Variants in TLL2 observed in about 807,000 individuals in gnomAD.
TLL2 encodes the protein tolloid-like protein 2.
TLL2 carries 106 observed loss-of-function variants against 123.0 expected under a neutral mutation model. The ratio of observed to expected loss-of-function variants is 0.86; its 90% CI spans 0.74 to 1.01. TLL2 has a LOEUF of 1.01. TLL2 is among the 50% of genes least tolerant of loss of function. The pLI, the probability that TLL2 is intolerant of heterozygous loss-of-function variation, is 0.00. For synonymous variants in TLL2, 494 were observed against 516.8 expected, an observed-to-expected ratio of 0.96 and a Z score of 0.60; for missense variants, 1,332 against 1,336.7, an observed-to-expected ratio of 1.00 and a Z score of 0.06.
At chr10:96,485,402 A>C (rs1847347141) in intron 1 of TLL2, among the ~76,000 whole-genome samples, 1 of 152,230 alleles carries the variant, frequency 6.6e-6, no homozygotes, top group Non-Finnish European at 1.5e-5. Flanking sequence ...CATATATCTT[A>C]TAAGAGCCTA....
intron 1 of TLL2, among the ~76,000 whole-genome samples, chr10:96,486,209 T>C (rs1429984227): frequency 1.3e-5 from 2 of 152,228 alleles, no homozygotes; most frequent in Non-Finnish European, 2.9e-5. Flanking sequence ...TGACTATACG[T>C]GGAATAAATG....
intron 13 of TLL2, among the ~76,000 whole-genome samples, chr10:96,389,585 G>A (rs1283475811): frequency 6.6e-6 from 1 of 152,180 alleles, no homozygotes. Context: ...GGGGGACCTA[G>A]GGAAGAGGCA....
intron 4 of TLL2, among the ~76,000 whole-genome samples, chr10:96,432,386 G>A (rs936693770): frequency 2.0e-5 from 3 of 152,222 alleles, no homozygotes; most frequent in African/African-American, 7.2e-5. Context: ...TTTGGTCACT[G>A]AGTGGAACAC....
At chr10:96,416,467 C>CAGGGGAGA (rs1846562991) in intron 7 of TLL2, among the ~76,000 whole-genome samples, 1 of 152,182 alleles carries the variant, frequency 6.6e-6, no homozygotes, top group African/African-American at 2.4e-5. Flanking sequence ...TCTCACTCTA[C>CAGGGGAGA]AGGGGAGAAG....
Position 96,463,968 on chromosome 10 carries a change from G to A in TLL2, c.286+16381C>T, listed in dbSNP as rs148531655. On this transcript the variant is annotated intron_variant, in intron 2 of 20. Coordinates refer to ENST00000357947, the MANE Select transcript of TLL2 (RefSeq NM_012465.4). ...CCAGGAATTCAAAGAAAGAAACGAA[G>A]AGAGGAACAAAACACCCAAGCCCTC... Among the ~76,000 whole-genome samples, 1,137 of 152,326 alleles carry A rather than the reference G, an allele frequency of 7.5e-3. 18 individuals are homozygous for A. The highest frequency in any genetic ancestry group is 8.5e-3 in the Non-Finnish European group (581 of 68,026).
Position 96,446,643 on chromosome 10 carries a change from T to C in TLL2, c.287-475A>G, listed in dbSNP as rs115792750. Among the ~76,000 whole-genome samples the C allele has an allele frequency of 8.4e-3, 1,282 of 152,310 alleles. 18 individuals carry two copies. Among genetic ancestry groups the C allele is most frequent in the African/African-American group, 0.028 (1,172 of 41,552 alleles). ...TGCCTTTGTTACCCTGTGCACTCTC[T>C]TAGTATTCGGGTTTCCTCTGTGGGG... On this transcript the variant is annotated intron_variant, in intron 2 of 20. Coordinates refer to ENST00000357947, the MANE Select transcript of TLL2 (RefSeq NM_012465.4).
At chr10:96,457,456 G>A (rs1847028147) in intron 2 of TLL2, among the ~76,000 whole-genome samples, 1 of 152,236 alleles carries the variant, frequency 6.6e-6, no homozygotes. Context: ...AGGGAAGGCA[G>A]ATAGGAAGGA....
At chr10:96,403,579 C>T (rs1039240692) in intron 10 of TLL2, among the ~76,000 whole-genome samples, 29 of 152,182 alleles carry the variant, frequency 1.9e-4, no homozygotes, top group Admixed American at 1.7e-3. Flanking sequence ...AAACCAAGGG[C>T]ACAGTGCACC....
intron 10 of TLL2, among the ~76,000 whole-genome samples, chr10:96,398,999 G>A (rs1846366546): frequency 6.7e-6 from 1 of 149,120 alleles, no homozygotes; most frequent in African/African-American, 2.5e-5. Context: ...ACCCTCCCAA[G>A]TAGCTGGGAC....
At chr10:96,436,444 C>T (rs1846795653) in intron 3 of TLL2, among the ~76,000 whole-genome samples, 1 of 152,128 alleles carries the variant, frequency 6.6e-6, no homozygotes, top group South Asian at 2.1e-4. Context: ...TTTTTGGCTT[C>T]TTAATGTATC....
At chr10:96,437,963 A>G (rs1057319666) in intron 3 of TLL2, among the ~76,000 whole-genome samples, 3 of 152,208 alleles carry the variant, frequency 2.0e-5, no homozygotes, top group Non-Finnish European at 4.4e-5. Flanking sequence ...TGGGTTCTCT[A>G]TTCCATTGGT....
At chr10:96,420,919 A>T in intron 7 of TLL2, 37 bp downstream of exon 7, 24 of 1,591,544 alleles carry the variant, frequency 1.5e-5, no homozygotes, top group Non-Finnish European at 1.9e-5. Context: ...CCGCAGGCAC[A>T]GTAAAACACA....
chr10:96,508,362 T>C (rs10882807), intron 1 of TLL2, among the ~76,000 whole-genome samples: 63,805 of 152,006 alleles, frequency 0.42, 13,893 homozygotes, highest in Middle Eastern at 0.62. Context: ...GAAACCTGAT[T>C]GGTAGGATGT....
At chr10:96,413,162 G>A in intron 8 of TLL2, 30 bp downstream of exon 8, 1 of 1,612,336 alleles carries the variant, frequency 6.2e-7, no homozygotes, top group Non-Finnish European at 8.5e-7. Context: ...TGCTAGGGAG[G>A]TGCTGGCAGT....
chr10:96,423,054 G>A (rs754203089), intron 5 of TLL2, among the ~76,000 whole-genome samples: 2 of 151,156 alleles, frequency 1.3e-5, no homozygotes, highest in Admixed American at 6.6e-5. Flanking sequence ...CTTGAACCCC[G>A]GAGGCAGAGG....
At chr10:96,477,535 C>T (rs886158074) in intron 2 of TLL2, among the ~76,000 whole-genome samples, 8 of 152,064 alleles carry the variant, frequency 5.3e-5, no homozygotes, top group Admixed American at 3.9e-4. Context: ...ATCGTAAACC[C>T]TCCCAGGTCA....
At chr10:96,387,277 G>A (rs1470588474) in intron 13 of TLL2, among the ~76,000 whole-genome samples, 199 bp from the exon 14 acceptor site, 3 of 152,170 alleles carry the variant, frequency 2.0e-5, no homozygotes, top group Non-Finnish European at 4.4e-5. Flanking sequence ...CTGACAACAC[G>A]AGCAGGAACA....
intron 15 of TLL2, among the ~76,000 whole-genome samples, chr10:96,385,075 A>G (rs1334558716): frequency 1.3e-5 from 2 of 152,128 alleles, no homozygotes; most frequent in African/African-American, 4.8e-5. Flanking sequence ...ATGAAATTTT[A>G]CTTGAAGAAA....
chr10:96,441,871 C>T (rs1846853875), intron 3 of TLL2, among the ~76,000 whole-genome samples: 1 of 152,212 alleles, frequency 6.6e-6, no homozygotes, highest in African/African-American at 2.4e-5. Flanking sequence ...GCGTCGAGTG[C>T]TGTTTTGCAC....
Sources: gnomAD v4.1 joint callset for allele counts (sites outside exome capture counted in the v4.1 genomes callset) on GRCh38, gnomAD v4.1.1 for gene constraint, MANE v1.5 for transcripts, NCBI Gene and HGNC (gene_info 2026-07-23, HGNC 2026-07-21) for gene names.